MED12L: variants seen among roughly 807,000 people sequenced by gnomAD.
MED12L encodes mediator complex subunit 12L.
In MED12L, 60 loss-of-function variants were observed where a neutral mutation model predicts 281.3. The observed-to-expected ratio is 0.21, with a 90% CI of 0.17 to 0.26. The LOEUF is 0.26. MED12L is among the 10% of genes least tolerant of loss of function. The pLI, the probability that MED12L is intolerant of heterozygous loss-of-function variation, is 1.00. For missense variants in MED12L, 2,146 were observed against 2,680.9 expected, an observed-to-expected ratio of 0.80 and a Z score of 4.41; for synonymous variants, 974 against 987.2, an observed-to-expected ratio of 0.99 and a Z score of 0.25.
intron 11 of MED12L, among the ~76,000 whole-genome samples, chr3:151,170,103 A>G (rs1358630844): frequency 6.6e-6 from 1 of 152,084 alleles, no homozygotes; most frequent in Non-Finnish European, 1.5e-5. Flanking sequence ...AGCCTGTTGA[A>G]AACTGCAGTG....
At chr3:151,222,651 A>G (rs1324569102) in intron 16 of MED12L, among the ~76,000 whole-genome samples, 1 of 152,252 alleles carries the variant, frequency 6.6e-6, no homozygotes, top group Admixed American at 6.5e-5. Context: ...TAAGTCCAGT[A>G]AACCTCTTTC....
At chr3:151,288,762 C>T (rs1320389100) in intron 16 of MED12L, among the ~76,000 whole-genome samples, 1 of 152,188 alleles carries the variant, frequency 6.6e-6, no homozygotes, top group Non-Finnish European at 1.5e-5. Flanking sequence ...TAATACCAGT[C>T]TCCCTGCAAC....
intron 35 of MED12L, 128 bp from the exon 36 acceptor site, chr3:151,384,902 G>A: frequency 2.9e-6 from 2 of 681,852 alleles, no homozygotes; most frequent in African/African-American, 3.7e-5. Flanking sequence ...CATGTTCAGG[G>A]TTAAAGAACA....
intron 2 of MED12L, among the ~76,000 whole-genome samples, chr3:151,114,491 GATTA>G (rs777267939): frequency 3.3e-5 from 5 of 152,170 alleles, no homozygotes; most frequent in Non-Finnish European, 7.3e-5. Context: ...TAAGCTTCTT[GATTA>G]ATCATAGCGG....
intron 16 of MED12L, among the ~76,000 whole-genome samples, chr3:151,296,556 C>T (rs1010137149): frequency 2.6e-5 from 4 of 151,524 alleles, no homozygotes; most frequent in Non-Finnish European, 2.9e-5. Context: ...TTTGAACTTT[C>T]TTCAAACTGC....
intron 5 of MED12L, among the ~76,000 whole-genome samples, chr3:151,155,450 A>G (rs750499739): frequency 1.5e-4 from 22 of 151,642 alleles, no homozygotes; most frequent in East Asian, 3.9e-4. Context: ...TTGCTCCCCA[A>G]CCTCTCTGAT....
At chr3:151,139,923 T>C (rs1716689168) in intron 5 of MED12L, among the ~76,000 whole-genome samples, 1 of 152,220 alleles carries the variant, frequency 6.6e-6, no homozygotes, top group African/African-American at 2.4e-5. Context: ...AAAAGTTAGC[T>C]AAGCCTAATC....
intron 16 of MED12L, among the ~76,000 whole-genome samples, chr3:151,306,127 C>T (rs1188892809): frequency 6.6e-6 from 1 of 152,178 alleles, no homozygotes. Context: ...CTATACTTAA[C>T]CTCTATAGAT....
At chr3:151,255,545 G>A (rs1040483700) in intron 16 of MED12L, among the ~76,000 whole-genome samples, 2 of 152,096 alleles carry the variant, frequency 1.3e-5, no homozygotes, top group Non-Finnish European at 2.9e-5. Flanking sequence ...GCTGCTATGG[G>A]CCTTTTCAGA....
intron 39 of MED12L, among the ~76,000 whole-genome samples, chr3:151,395,389 A>G (rs1714829437): frequency 6.6e-6 from 1 of 152,168 alleles, no homozygotes; most frequent in African/African-American, 2.4e-5. Context: ...AACAGTCAGG[A>G]TCTGGATACA....
intron 13 of MED12L, among the ~76,000 whole-genome samples, chr3:151,189,051 G>A (rs896063197): frequency 6.6e-6 from 1 of 152,174 alleles, no homozygotes; most frequent in African/African-American, 2.4e-5. Flanking sequence ...TGTGAGCTAT[G>A]TAGGCTTGAA....
intron 16 of MED12L, among the ~76,000 whole-genome samples, chr3:151,262,388 A>G (rs1275889426): frequency 2.0e-5 from 3 of 152,222 alleles, no homozygotes; most frequent in Non-Finnish European, 4.4e-5. Context: ...ACACTGAGAT[A>G]TCTCCAGACA....
intron 16 of MED12L, among the ~76,000 whole-genome samples, chr3:151,236,266 G>C (rs1732771093): frequency 6.6e-6 from 1 of 152,178 alleles, no homozygotes; most frequent in Non-Finnish European, 1.5e-5. Context: ...AGTTTGTTCA[G>C]CACTTCTAGA....
At chr3:151,366,021 A>G in intron 23 of MED12L, 30 bp downstream of exon 23, 1 of 1,519,830 alleles carries the variant, frequency 6.6e-7, no homozygotes, top group Non-Finnish European at 8.8e-7. Flanking sequence ...TAAAAATTGA[A>G]CTGTGCAATT....
intron 39 of MED12L, among the ~76,000 whole-genome samples, chr3:151,404,201 T>C (rs1434433142): frequency 1.3e-5 from 2 of 152,230 alleles, no homozygotes; most frequent in Non-Finnish European, 2.9e-5. Context: ...GTATTTTTGC[T>C]ATCCATTTTA....
intron 16 of MED12L, among the ~76,000 whole-genome samples, chr3:151,250,127 C>T (rs1438304418): frequency 6.6e-6 from 1 of 152,194 alleles, no homozygotes; most frequent in Non-Finnish European, 1.5e-5. Flanking sequence ...GCTGTCTCCA[C>T]TTTCCCATTC....
At chr3:151,212,741 A>G (rs796068055) in intron 16 of MED12L, 1 of 152,140 alleles carries the variant, frequency 6.6e-6, no homozygotes, top group East Asian at 1.9e-4. Flanking sequence ...GCCATGAAAT[A>G]CATCAATAAG....
intron 16 of MED12L, chr3:151,214,069 C>T (rs1363705815): frequency 1.2e-6 from 2 of 1,613,982 alleles, no homozygotes; most frequent in African/African-American, 1.3e-5. Context: ...GGGACCAAGG[C>T]CTGAGTCACC....
intron 5 of MED12L, among the ~76,000 whole-genome samples, chr3:151,141,187 G>GTTTGTTTTTTTGTTTTTT (rs1716933163): frequency 3.0e-5 from 3 of 99,108 alleles, no homozygotes; most frequent in East Asian, 3.6e-4. Flanking sequence ...TGTTTTTTTT[G>GTTTGTTTTTTTGTTTTTT]TTTTTTTTTT....
Sources: gnomAD v4.1 joint callset for allele counts (sites outside exome capture counted in the v4.1 genomes callset) on GRCh38, gnomAD v4.1.1 for gene constraint, MANE v1.5 for transcripts, NCBI Gene and HGNC (gene_info 2026-07-23, HGNC 2026-07-21) for gene names.